Variants in PTPRD observed in about 807,000 individuals in gnomAD.
PTPRD encodes protein tyrosine phosphatase receptor type D, also known as receptor-type tyrosine-protein phosphatase delta.
A neutral mutation model predicts 214.5 loss-of-function variants in PTPRD; 34 were observed. That is an observed-to-expected ratio of 0.16 (90% CI 0.12 to 0.21). The LOEUF is 0.21. Among genes scored for constraint, PTPRD ranks in the 10% least tolerant of loss-of-function variants. The pLI, the probability that PTPRD is intolerant of heterozygous loss-of-function variation, is 1.00. For synonymous variants in PTPRD, 1,128 were observed against 845.7 expected (o/e 1.33, Z -5.79); for missense variants, 2,545 against 2,398.7 (o/e 1.06, Z -1.27).
intron 7 of PTPRD, among the ~76,000 whole-genome samples, chr9:9,682,266 C>T (rs556937305): frequency 3.7e-4 from 56 of 151,802 alleles, no homozygotes; most frequent in African/African-American, 1.3e-3. Context: ...GTTTTTCTTA[C>T]CTGGTTTTCT....
Position 10,440,312 on chromosome 9 carries a change from G to T in PTPRD, c.-599-99295C>A, listed in dbSNP as rs76221645. On this transcript the variant is annotated intron_variant, in intron 2 of 45. Coordinates refer to ENST00000381196, the MANE Select transcript of PTPRD (RefSeq NM_002839.4). ...TTTATTTTTGTTGTCATTTTAGTTA[G>T]TTTTTTAAGTTAGTGCTATGAATTT... Among the ~76,000 whole-genome samples, 868 of 151,748 alleles carry T rather than the reference G, an allele frequency of 5.7e-3. 19 individuals are homozygous for T. The East Asian group carries it at 0.072, about 13-fold the overall frequency.
chr9:9,632,662 C>G (rs2095630558), intron 7 of PTPRD, among the ~76,000 whole-genome samples: 1 of 151,702 alleles, frequency 6.6e-6, no homozygotes, highest in African/African-American at 2.4e-5. Flanking sequence ...CTTCATTTTT[C>G]TGCTTCTACA....
intron 11 of PTPRD, among the ~76,000 whole-genome samples, chr9:8,939,697 G>A (rs1381559484): frequency 6.6e-6 from 1 of 152,034 alleles, no homozygotes; most frequent in Non-Finnish European, 1.5e-5. Flanking sequence ...TTTATAAAGG[G>A]TTTTGGGAGA....
rs188558954 is a variant in PTPRD at position 8,499,212 on chromosome 9, G to C, written c.2322+435C>G. On this transcript the variant is annotated intron_variant, in intron 25 of 45. Coordinates refer to ENST00000381196, the MANE Select transcript of PTPRD (RefSeq NM_002839.4). The stretch of plus-strand genomic sequence containing the variant: ...TGAGTACCTGTCCCTGAATAAAAAT[G>C]TCTATTCTTCAGTGGAAGAAGACAC... Among the ~76,000 whole-genome samples the C allele has an allele frequency of 7.9e-5, 12 of 152,260 alleles. No individual in the cohort carries two copies. The East Asian group carries it at 2.3e-3, about 29-fold the overall frequency.
chr9:9,106,181 T>A (rs1166556559), intron 10 of PTPRD, among the ~76,000 whole-genome samples: 2 of 152,206 alleles, frequency 1.3e-5, no homozygotes, highest in African/African-American at 4.8e-5. Flanking sequence ...TTCAGGTACA[T>A]AGTTTCATTT....
chr9:10,529,160 T>C (rs2055291956), intron 2 of PTPRD, among the ~76,000 whole-genome samples: 1 of 152,120 alleles, frequency 6.6e-6, no homozygotes, highest in Non-Finnish European at 1.5e-5. Flanking sequence ...ATGCAAGAAC[T>C]CAACTATTCT....
At chr9:10,052,596 A>C (rs1334890166) in intron 3 of PTPRD, among the ~76,000 whole-genome samples, 1 of 152,150 alleles carries the variant, frequency 6.6e-6, no homozygotes, top group African/African-American at 2.4e-5. Flanking sequence ...AAAACACATG[A>C]GATGGTTATT....
At chr9:8,658,367 T>C (rs1407876446) in intron 12 of PTPRD, among the ~76,000 whole-genome samples, 1 of 152,152 alleles carries the variant, frequency 6.6e-6, no homozygotes, top group Non-Finnish European at 1.5e-5. Context: ...CCACTGTGAG[T>C]CCCTCTCAGA....
intron 10 of PTPRD, among the ~76,000 whole-genome samples, chr9:9,082,303 A>G (rs1488757445): frequency 1.3e-5 from 2 of 152,200 alleles, no homozygotes; most frequent in Non-Finnish European, 2.9e-5. Context: ...GTGGTTCAAC[A>G]TATGCCAATC....
At chr9:10,133,932 A>T (rs1233100849) in intron 3 of PTPRD, among the ~76,000 whole-genome samples, 2 of 152,140 alleles carry the variant, frequency 1.3e-5, no homozygotes, top group Non-Finnish European at 2.9e-5. Flanking sequence ...CATATAAATG[A>T]GGGGTGTTGC....
chr9:9,453,489 T>A (rs934033985), intron 8 of PTPRD, among the ~76,000 whole-genome samples: 1 of 151,644 alleles, frequency 6.6e-6, no homozygotes, highest in Non-Finnish European at 1.5e-5. Flanking sequence ...AGAATAACCA[T>A]TCAAAGAAAT....
At chr9:10,456,026 T>C (rs2098914316) in intron 2 of PTPRD, among the ~76,000 whole-genome samples, 1 of 151,814 alleles carries the variant, frequency 6.6e-6, no homozygotes. Context: ...AAATTGTTTA[T>C]GCCTCAGGCT....
At chr9:10,420,186 A>C (rs2098533039) in intron 2 of PTPRD, among the ~76,000 whole-genome samples, 1 of 151,854 alleles carries the variant, frequency 6.6e-6, no homozygotes, top group Admixed American at 6.6e-5. Flanking sequence ...GCTATGTGTC[A>C]AGAATTCTTC....
intron 8 of PTPRD, among the ~76,000 whole-genome samples, chr9:9,427,142 T>A (rs1287239185): frequency 2.0e-5 from 3 of 152,116 alleles, no homozygotes; most frequent in African/African-American, 7.2e-5. Context: ...TTGAACCCGT[T>A]ACAAAGAAGC....
intron 2 of PTPRD, among the ~76,000 whole-genome samples, chr9:10,395,154 G>A (rs1226516586): frequency 6.6e-6 from 1 of 151,232 alleles, no homozygotes; most frequent in Non-Finnish European, 1.5e-5. Flanking sequence ...ACAGCCTGCA[G>A]GTTTGTTAAC....
chr9:10,311,324 T>G (rs564425345), intron 3 of PTPRD, among the ~76,000 whole-genome samples: 1 of 152,138 alleles, frequency 6.6e-6, no homozygotes, highest in South Asian at 2.1e-4. Flanking sequence ...TAAGGAAGCT[T>G]ATAATTATAT....
intron 9 of PTPRD, among the ~76,000 whole-genome samples, chr9:9,264,636 A>C (rs1938229854): frequency 6.6e-6 from 1 of 151,600 alleles, no homozygotes; most frequent in South Asian, 2.1e-4. Flanking sequence ...CAATGGCTGA[A>C]CCCTTTCCAA....
chr9:10,421,786 C>G (rs543974333), intron 2 of PTPRD, among the ~76,000 whole-genome samples: 73 of 151,794 alleles, frequency 4.8e-4, no homozygotes, highest in African/African-American at 1.7e-3. Flanking sequence ...ATTTTGTGCT[C>G]AGTTTTATCT....
At chr9:10,539,309 C>A (rs1438047469) in intron 2 of PTPRD, among the ~76,000 whole-genome samples, 1 of 152,130 alleles carries the variant, frequency 6.6e-6, no homozygotes, top group Non-Finnish European at 1.5e-5. Flanking sequence ...ATCAGCCTCC[C>A]AAGTAGTTGG....
Sources: allele counts gnomAD v4.1 joint callset (sites outside exome capture counted in the v4.1 genomes callset), GRCh38; gene constraint gnomAD v4.1.1; transcripts MANE v1.5; gene names NCBI Gene and HGNC (gene_info 2026-07-23, HGNC 2026-07-21).